TBC1D4: variants seen among roughly 807,000 people sequenced by gnomAD.
The protein encoded by TBC1D4 is TBC (Tre-2, BUB2, CDC16) domain-containing protein.
Under a neutral mutation model 142.5 loss-of-function variants are expected in TBC1D4, and 121 were observed. The ratio of observed to expected loss-of-function variants is 0.85; its 90% confidence interval spans 0.73 to 0.99. TBC1D4 has a LOEUF of 0.99. TBC1D4 is among the 50% of genes least tolerant of loss of function. The pLI, the probability that TBC1D4 is intolerant of heterozygous loss-of-function variation, is 0.00. For synonymous variants in TBC1D4, 630 were observed against 628.2 expected (o/e 1.00, Z -0.04); for missense variants, 1,475 against 1,606.6 (o/e 0.92, Z 1.40).
intron 1 of TBC1D4, among the ~76,000 whole-genome samples, chr13:75,404,589 G>A (rs1369884572): frequency 6.6e-6 from 1 of 152,114 alleles, no homozygotes; most frequent in Non-Finnish European, 1.5e-5. Context: ...GGGTTTTAGG[G>A]AGGAAGACCA....
intron 1 of TBC1D4, chr13:75,367,058 G>A (rs117090140): frequency 0.013 from 11,321 of 854,610 alleles, 93 homozygotes; most frequent in Non-Finnish European, 0.015. Context: ...TAAAGTCCAC[G>A]TTATCACTAT....
rs1310201400 is a variant in TBC1D4 at position 75,481,857 on chromosome 13, A to G, written c.-90T>C. Reference sequence around the variant, plus strand: ...AGAAGGCGCCGCCGAAACTGTGCCAACTGCCGCACCGGGCTCCCGCGCCTG... The same window carrying G: ...AGAAGGCGCCGCCGAAACTGTGCCAGCTGCCGCACCGGGCTCCCGCGCCTG... On this transcript the variant is annotated 5_prime_UTR_variant, in exon 1 of 21. Transcript: ENST00000377636. The G allele has an allele frequency of 7.2e-7, 1 of 1,382,996 alleles. No homozygotes were observed. Among genetic ancestry groups the G allele is most frequent in the East Asian group, 2.9e-5 (1 of 34,650 alleles). 85.7% of individuals were successfully genotyped at this position (1,382,996 alleles called of 1,614,324 possible).
At chr13:75,479,269 A>G (rs1429734194) in intron 1 of TBC1D4, among the ~76,000 whole-genome samples, 1 of 152,230 alleles carries the variant, frequency 6.6e-6, no homozygotes, top group Non-Finnish European at 1.5e-5. Context: ...TTAAGAGCAA[A>G]TAGTAATTCA....
intron 1 of TBC1D4, among the ~76,000 whole-genome samples, chr13:75,448,241 G>A (rs1377001912): frequency 2.6e-5 from 4 of 152,058 alleles, no homozygotes; most frequent in Non-Finnish European, 5.9e-5. Context: ...TGGGACAGAG[G>A]TCTCTTTCTT....
chr13:75,436,657 C>CA (rs111561619), intron 1 of TBC1D4, among the ~76,000 whole-genome samples: 16,986 of 115,118 alleles, frequency 0.15, 1,859 homozygotes, highest in African/African-American at 0.34. Context: ...ACCCTGTCTC[C>CA]AAAAAAAAAA....
chr13:75,451,220 G>C (rs896553163), intron 1 of TBC1D4, among the ~76,000 whole-genome samples: 2 of 152,102 alleles, frequency 1.3e-5, no homozygotes, highest in African/African-American at 4.8e-5. Flanking sequence ...ATAAGATGGA[G>C]TGAATAGTAC....
At chr13:75,321,540 A>G (rs1878784544) in intron 11 of TBC1D4, among the ~76,000 whole-genome samples, 17 of 152,192 alleles carry the variant, frequency 1.1e-4, no homozygotes, top group Admixed American at 1.1e-3. Flanking sequence ...ATCCTCTGTG[A>G]TATTTCTGCA....
intron 1 of TBC1D4, among the ~76,000 whole-genome samples, chr13:75,373,832 G>C (rs1252734145): frequency 2.0e-5 from 3 of 152,112 alleles, no homozygotes; most frequent in Non-Finnish European, 4.4e-5. Context: ...ATGCTTCTTT[G>C]TTCATTAAAT....
chr13:75,402,012 A>C (rs1259055124), intron 1 of TBC1D4, among the ~76,000 whole-genome samples: 1 of 152,156 alleles, frequency 6.6e-6, no homozygotes, highest in Non-Finnish European at 1.5e-5. Context: ...AAACATGTAG[A>C]TCTTGAGCCC....
chr13:75,355,535 T>G (rs768135349), intron 4 of TBC1D4, among the ~76,000 whole-genome samples: 31 of 152,210 alleles, frequency 2.0e-4, no homozygotes, highest in Non-Finnish European at 3.4e-4. Flanking sequence ...TTCTCTGCTT[T>G]CACAGCTCTA....
chr13:75,317,832 C>T (rs757891433), intron 12 of TBC1D4, among the ~76,000 whole-genome samples: 38 of 152,102 alleles, frequency 2.5e-4, no homozygotes, highest in South Asian at 6.2e-4. Context: ...AATTAAGAAC[C>T]ACAGTTTGTG....
chr13:75,435,134 C>G (rs1886743821), intron 1 of TBC1D4, among the ~76,000 whole-genome samples: 1 of 151,932 alleles, frequency 6.6e-6, no homozygotes, highest in Non-Finnish European at 1.5e-5. Context: ...ACACAATACT[C>G]ATTTTACACC....
intron 1 of TBC1D4, among the ~76,000 whole-genome samples, chr13:75,380,316 A>C (rs1883757217): frequency 6.6e-6 from 1 of 151,902 alleles, no homozygotes; most frequent in African/African-American, 2.4e-5. Context: ...TACTAAAAAC[A>C]CAAAAAATTA....
chr13:75,341,318 A>C (rs1302711364), intron 6 of TBC1D4, 83 bp from the exon 7 acceptor site: 6 of 1,428,754 alleles, frequency 4.2e-6, no homozygotes, highest in Non-Finnish European at 5.9e-6. Context: ...ACGTAAATAA[A>C]GCTAAGAGTT....
chr13:75,440,134 T>G (rs1233669243), intron 1 of TBC1D4, among the ~76,000 whole-genome samples: 1 of 152,052 alleles, frequency 6.6e-6, no homozygotes, highest in African/African-American at 2.4e-5. Context: ...ATCCCACCTT[T>G]ACGTAATTCC....
intron 8 of TBC1D4, among the ~76,000 whole-genome samples, chr13:75,336,664 G>A (rs545103427): frequency 1.3e-5 from 2 of 151,772 alleles, no homozygotes; most frequent in Non-Finnish European, 2.9e-5. Context: ...TCGCTTGAAT[G>A]CAGGAGGCAG....
At chr13:75,364,380 T>C (rs1420061427) in intron 1 of TBC1D4, among the ~76,000 whole-genome samples, 2 of 152,242 alleles carry the variant, frequency 1.3e-5, no homozygotes, top group Non-Finnish European at 1.5e-5. Context: ...TTATTTGGGA[T>C]ATACTGCTAG....
chr13:75,445,847 C>T (rs962821097), intron 1 of TBC1D4, among the ~76,000 whole-genome samples: 6 of 152,266 alleles, frequency 3.9e-5, no homozygotes, highest in Non-Finnish European at 7.3e-5. Context: ...TGATGATTGC[C>T]GATTCAACAA....
chr13:75,409,638 G>T (rs1885507538), intron 1 of TBC1D4, among the ~76,000 whole-genome samples: 1 of 152,308 alleles, frequency 6.6e-6, no homozygotes, highest in African/African-American at 2.4e-5. Context: ...AAACTTCACA[G>T]TAAAATACAC....
Sources: allele counts gnomAD v4.1 joint callset (sites outside exome capture counted in the v4.1 genomes callset), GRCh38; gene constraint gnomAD v4.1.1; transcripts MANE v1.5; gene names NCBI Gene and HGNC (gene_info 2026-07-23, HGNC 2026-07-21).